Variants in TMEM163 observed in about 807,000 individuals in gnomAD.
TMEM163 encodes transmembrane protein 163.
TMEM163 carries 17 observed loss-of-function variants against 29.3 expected under a neutral mutation model. The ratio of observed to expected loss-of-function variants is 0.58; its 90% confidence interval spans 0.40 to 0.87. The LOEUF is 0.87. Among genes scored for constraint, TMEM163 ranks in the 40% least tolerant of loss-of-function variants. The probability of loss-of-function intolerance (pLI) is 0.00; values close to 1 mark genes in which losing one functional copy is unlikely to be tolerated. For missense variants in TMEM163, 303 were observed against 381.5 expected (o/e 0.79, Z 1.71); for synonymous variants, 157 against 160.6 (o/e 0.98, Z 0.17).
intron 4 of TMEM163, among the ~76,000 whole-genome samples, chr2:134,545,632 A>G (rs898522041): frequency 6.6e-6 from 1 of 151,902 alleles, no homozygotes; most frequent in African/African-American, 2.4e-5. Flanking sequence ...CTCCTCCCCA[A>G]ATTCTACACA....
chr2:134,559,108 A>T (rs1223980432), intron 2 of TMEM163, among the ~76,000 whole-genome samples: 2 of 152,174 alleles, frequency 1.3e-5, no homozygotes, highest in Non-Finnish European at 2.9e-5. Context: ...CAAAACACTG[A>T]AATCTGCCCA....
intron 4 of TMEM163, among the ~76,000 whole-genome samples, chr2:134,515,821 C>T (rs1027819713): frequency 3.9e-5 from 6 of 152,146 alleles, no homozygotes; most frequent in Non-Finnish European, 7.4e-5. Flanking sequence ...AGAAGACAGA[C>T]TTTGTTCCCT....
At chr2:134,573,651 G>A (rs73958764) in intron 2 of TMEM163, among the ~76,000 whole-genome samples, 1,991 of 152,294 alleles carry the variant, frequency 0.013, 42 homozygotes, top group African/African-American at 0.045. Flanking sequence ...ATGTGATGCC[G>A]AGAGTTCTGT....
intron 2 of TMEM163, among the ~76,000 whole-genome samples, chr2:134,616,606 G>C (rs1333374621): frequency 6.6e-6 from 1 of 152,054 alleles, no homozygotes; most frequent in Non-Finnish European, 1.5e-5. Flanking sequence ...GAGAAATAAA[G>C]CTTACACTTT....
At chr2:134,658,570 T>C (rs1683674176) in intron 2 of TMEM163, among the ~76,000 whole-genome samples, 1 of 151,914 alleles carries the variant, frequency 6.6e-6, no homozygotes, top group Non-Finnish European at 1.5e-5. Flanking sequence ...ATAGGTAACA[T>C]AAACATCACT....
At chr2:134,499,497 C>T (rs1267364800) in intron 5 of TMEM163, among the ~76,000 whole-genome samples, 1 of 152,194 alleles carries the variant, frequency 6.6e-6, no homozygotes, top group Non-Finnish European at 1.5e-5. Context: ...AGGTCCTGTT[C>T]CAGTTCCCCA....
chr2:134,465,976 G>A, intron 6 of TMEM163, 138 bp downstream of exon 6: 1 of 612,458 alleles, frequency 1.6e-6, no homozygotes. Context: ...TAAACAACTT[G>A]AGGCGGGTAG....
intron 2 of TMEM163, among the ~76,000 whole-genome samples, chr2:134,572,989 A>G (rs1407989002): frequency 3.3e-5 from 5 of 152,190 alleles, no homozygotes; most frequent in African/African-American, 1.2e-4. Flanking sequence ...TGCCTGGGAC[A>G]TCTTGCCCCA....
At chr2:134,639,313 G>A (rs1405966753) in intron 2 of TMEM163, among the ~76,000 whole-genome samples, 1 of 152,196 alleles carries the variant, frequency 6.6e-6, no homozygotes, top group Non-Finnish European at 1.5e-5. Flanking sequence ...TTGAAGAAGA[G>A]ACAAAGCAGA....
At chr2:134,545,248 CCT>C (rs1346754946) in intron 4 of TMEM163, among the ~76,000 whole-genome samples, 1 of 152,196 alleles carries the variant, frequency 6.6e-6, no homozygotes, top group Non-Finnish European at 1.5e-5. Flanking sequence ...CCCCCAGGCT[CCT>C]CTGTCACCCA....
At chr2:134,635,939 G>C (rs992078436) in intron 2 of TMEM163, among the ~76,000 whole-genome samples, 2 of 152,120 alleles carry the variant, frequency 1.3e-5, no homozygotes, top group African/African-American at 4.8e-5. Flanking sequence ...CAACAGAATG[G>C]TCCTGCTGGT....
intron 2 of TMEM163, among the ~76,000 whole-genome samples, chr2:134,635,982 G>A (rs1342969792): frequency 6.6e-6 from 1 of 152,180 alleles, no homozygotes; most frequent in African/African-American, 2.4e-5. Context: ...CATATCAGAA[G>A]GTATATGGCT....
At chr2:134,641,652 G>A (rs779194119) in intron 2 of TMEM163, among the ~76,000 whole-genome samples, 3 of 151,812 alleles carry the variant, frequency 2.0e-5, no homozygotes, top group East Asian at 1.9e-4. Flanking sequence ...GCTAAAACAC[G>A]TTCAAATAAT....
At chr2:134,711,469 C>A (rs1684925884) in intron 2 of TMEM163, among the ~76,000 whole-genome samples, 1 of 152,102 alleles carries the variant, frequency 6.6e-6, no homozygotes, top group Admixed American at 6.5e-5. Context: ...ATATTATATG[C>A]CAATACCAAC....
chr2:134,523,043 C>T (rs1477493083), intron 4 of TMEM163, among the ~76,000 whole-genome samples: 4 of 152,236 alleles, frequency 2.6e-5, no homozygotes, highest in Non-Finnish European at 4.4e-5. Context: ...ACTCCACATT[C>T]AATCTGCTCC....
chr2:134,678,292 A>G (rs1558988921), intron 2 of TMEM163, among the ~76,000 whole-genome samples: 1 of 152,346 alleles, frequency 6.6e-6, no homozygotes, highest in East Asian at 1.9e-4. Context: ...CTCACTGTGT[A>G]AATCCAGGCA....
At chr2:134,524,073 T>G (rs1374952920) in intron 4 of TMEM163, among the ~76,000 whole-genome samples, 1 of 152,212 alleles carries the variant, frequency 6.6e-6, no homozygotes, top group Non-Finnish European at 1.5e-5. Context: ...GTGTGGTTCT[T>G]GGACCAGCAG....
chr2:134,562,244 A>G (rs2104778367), intron 2 of TMEM163, among the ~76,000 whole-genome samples: 1 of 152,330 alleles, frequency 6.6e-6, no homozygotes, highest in African/African-American at 2.4e-5. Context: ...CAAGCAGCAC[A>G]CAAAAGCGTG....
chr2:134,710,971 T>C (rs1684913907), intron 2 of TMEM163, among the ~76,000 whole-genome samples: 1 of 152,200 alleles, frequency 6.6e-6, no homozygotes, highest in Admixed American at 6.5e-5. Flanking sequence ...GAGCATTGCG[T>C]TTCATCCATC....
Sources: allele counts gnomAD v4.1 joint callset (sites outside exome capture counted in the v4.1 genomes callset), GRCh38; gene constraint gnomAD v4.1.1; transcripts MANE v1.5; gene names NCBI Gene and HGNC (gene_info 2026-07-23, HGNC 2026-07-21).